The following CAMK1D variants were observed in gnomAD, a reference collection of about 807,000 sequenced individuals.
The protein encoded by CAMK1D is calcium/calmodulin-dependent protein kinase type 1D.
CAMK1D carries 9 observed loss-of-function variants against 47.7 expected under a neutral mutation model. The observed-to-expected ratio is 0.19, with a 90% CI of 0.11 to 0.33. The LOEUF is 0.33. Ranked by LOEUF, CAMK1D falls within the 10% of genes least tolerant of loss-of-function variation. The pLI, the probability that CAMK1D is intolerant of heterozygous loss-of-function variation, is 1.00. For missense variants in CAMK1D, 291 were observed against 488.7 expected (o/e 0.60, Z 3.81); for synonymous variants, 184 against 184.9 (o/e 0.99, Z 0.04).
chr10:12,542,088 A>G (rs945184716), intron 1 of CAMK1D, among the ~76,000 whole-genome samples: 1 of 151,644 alleles, frequency 6.6e-6, no homozygotes, highest in African/African-American at 2.4e-5. Context: ...CTTTTTGGCC[A>G]GGCTGGTCTG....
At chr10:12,720,370 T>G (rs1318989601) in intron 3 of CAMK1D, among the ~76,000 whole-genome samples, 1 of 152,178 alleles carries the variant, frequency 6.6e-6, no homozygotes, top group African/African-American at 2.4e-5. Flanking sequence ...AGGCCTTCAT[T>G]TACAGATGAT....
chr10:12,480,964 A>G (rs544811112), intron 1 of CAMK1D, among the ~76,000 whole-genome samples: 1 of 152,230 alleles, frequency 6.6e-6, no homozygotes, highest in Non-Finnish European at 1.5e-5. Context: ...GCCCTTGGTC[A>G]TTCCTGGGCT....
In CAMK1D at chr10:12,521,955, A is replaced by G. The variant is rs369619403; in HGVS notation, c.93-31270A>G. ...CCCATCCTTTTAACTGACCTTATAT[A>G]TATATCATTATAGGTGTTTCTTATA... On this transcript the variant is annotated intron_variant, in intron 1 of 10. Transcript: ENST00000619168. 3.3e-4 allele frequency among the ~76,000 whole-genome samples: 50 copies of G among 150,366 alleles called. 2 individuals carry two copies. The South Asian group carries it at 0.01, about 32-fold the overall frequency.
chr10:12,349,976 C>T (rs1837299905), intron 1 of CAMK1D, 66 bp downstream of exon 1: 1 of 817,574 alleles, frequency 1.2e-6, no homozygotes, highest in Non-Finnish European at 1.8e-6. Flanking sequence ...GCAGCTCCAG[C>T]TGCCGCCGCC....
chr10:12,502,760 C>G (rs1182320046), intron 1 of CAMK1D, among the ~76,000 whole-genome samples: 1 of 152,150 alleles, frequency 6.6e-6, no homozygotes, highest in Admixed American at 6.5e-5. Flanking sequence ...GAAGGCAGAG[C>G]GCTGGGAAGG....
chr10:12,390,987 A>C (rs1329466748), intron 1 of CAMK1D, among the ~76,000 whole-genome samples: 15 of 152,132 alleles, frequency 9.9e-5, no homozygotes, highest in Admixed American at 8.5e-4. Context: ...AGAGTCCAGC[A>C]TTGAGTGAGT....
At position 12,352,501 on chromosome 10, in the gene CAMK1D, C is replaced by T. The variant is rs138243184; in HGVS notation, c.92+2591C>T. On this transcript the variant is annotated intron_variant, in intron 1 of 10. Transcript: ENST00000619168. ...GTGTGTGCCTATAATTCCAGCTACT[C>T]GGGAGGCTGAGGCAGGAGAATCGCT... Among the ~76,000 whole-genome samples the T allele has an allele frequency of 6.5e-3, 990 of 151,380 alleles. 40 individuals carry two copies. The East Asian group carries it at 0.11, about 17-fold the overall frequency.
chr10:12,724,213 C>T (rs1424367756), intron 3 of CAMK1D, among the ~76,000 whole-genome samples: 1 of 152,232 alleles, frequency 6.6e-6, no homozygotes, highest in Non-Finnish European at 1.5e-5. Context: ...TGATCTCAAA[C>T]TTTGACCTCA....
intron 2 of CAMK1D, among the ~76,000 whole-genome samples, chr10:12,595,746 A>T (rs941331652): frequency 1.3e-5 from 2 of 152,172 alleles, no homozygotes; most frequent in Non-Finnish European, 2.9e-5. Context: ...GACATTAGAT[A>T]GCAAATTTTA....
At chr10:12,625,423 C>T (rs1839182852) in intron 2 of CAMK1D, among the ~76,000 whole-genome samples, 1 of 149,384 alleles carries the variant, frequency 6.7e-6, no homozygotes, top group Admixed American at 6.7e-5. Flanking sequence ...TAACCTTGAA[C>T]TCTTGGGTTC....
At chr10:12,524,067 A>G (rs1835535917) in intron 1 of CAMK1D, among the ~76,000 whole-genome samples, 1 of 151,716 alleles carries the variant, frequency 6.6e-6, no homozygotes, top group Admixed American at 6.6e-5. Flanking sequence ...AATTTTTTGT[A>G]TATTTTAGTA....
intron 1 of CAMK1D, among the ~76,000 whole-genome samples, chr10:12,376,691 C>A (rs1371766815): frequency 6.6e-6 from 1 of 152,062 alleles, no homozygotes; most frequent in African/African-American, 2.4e-5. Flanking sequence ...CCCACCTGCT[C>A]ACACTCCTGA....
At chr10:12,659,387 A>T (rs1840209656) in intron 2 of CAMK1D, among the ~76,000 whole-genome samples, 1 of 152,232 alleles carries the variant, frequency 6.6e-6, no homozygotes, top group South Asian at 2.1e-4. Flanking sequence ...CAATTAAGTG[A>T]TTATAAACTG....
chr10:12,473,439 G>GA lies in CAMK1D; in HGVS notation c.93-79777dup, dbSNP rs200351589. ...ACAGAGCGAGACTCTGACTCAAAAAGAAAAAAAAACTGTAACAATAATGAA... is the reference window on the plus strand; with the variant it reads ...ACAGAGCGAGACTCTGACTCAAAAAGAAAAAAAAAACTGTAACAATAATGAA... On this transcript the variant is annotated intron_variant, in intron 1 of 10. Transcript: ENST00000619168. 5.2e-3 allele frequency among the ~76,000 whole-genome samples: 774 copies of GA among 150,154 alleles called. 4 individuals carry two copies. Among genetic ancestry groups the GA allele is most frequent in the Middle Eastern group, 0.017 (5 of 294 alleles).
At chr10:12,613,845 T>A (rs1209167946) in intron 2 of CAMK1D, among the ~76,000 whole-genome samples, 3 of 152,182 alleles carry the variant, frequency 2.0e-5, no homozygotes, top group Non-Finnish European at 4.4e-5. Context: ...AGTTGTGTGT[T>A]TTTTCTTCAA....
chr10:12,466,474 A>G (rs746477135), intron 1 of CAMK1D, among the ~76,000 whole-genome samples: 1 of 151,974 alleles, frequency 6.6e-6, no homozygotes, highest in East Asian at 1.9e-4. Context: ...AGTCCTAGCT[A>G]CTTGAGAGGC....
At chr10:12,682,106 A>G (rs536289062) in intron 3 of CAMK1D, among the ~76,000 whole-genome samples, 1 of 152,226 alleles carries the variant, frequency 6.6e-6, no homozygotes, top group South Asian at 2.1e-4. Context: ...TGTAGTCCCA[A>G]CTACTCAGGA....
chr10:12,723,901 C>G (rs1210780342), intron 3 of CAMK1D, among the ~76,000 whole-genome samples: 1 of 152,114 alleles, frequency 6.6e-6, no homozygotes, highest in Non-Finnish European at 1.5e-5. Flanking sequence ...TAATGCTATC[C>G]CTCCCCACTC....
chr10:12,828,595 C>T (rs964778463), intron 10 of CAMK1D, among the ~76,000 whole-genome samples, 174 bp from the exon 11 acceptor site: 4 of 151,436 alleles, frequency 2.6e-5, no homozygotes, highest in African/African-American at 7.3e-5. Flanking sequence ...GACCCGAGAT[C>T]GTGCCACTGC....
Sources: allele counts gnomAD v4.1 joint callset (sites outside exome capture counted in the v4.1 genomes callset), GRCh38; gene constraint gnomAD v4.1.1; transcripts MANE v1.5; gene names NCBI Gene and HGNC (gene_info 2026-07-23, HGNC 2026-07-21).